Variants in CYTH3 observed in about 807,000 individuals in gnomAD.
CYTH3 encodes cytohesin 3.
CYTH3 carries 23 observed loss-of-function variants against 55.1 expected under a neutral mutation model. The ratio of observed to expected loss-of-function variants is 0.42; its 90% confidence interval spans 0.30 to 0.59. The LOEUF is 0.59. Ranked by LOEUF, CYTH3 falls within the 20% of genes least tolerant of loss-of-function variation. The pLI is 0.20. For missense variants in CYTH3, 413 were observed against 524.8 expected, an observed-to-expected ratio of 0.79 and a Z score of 2.08; for synonymous variants, 249 against 194.9, an observed-to-expected ratio of 1.28 and a Z score of -2.31.
chr7:6,265,822 G>A (rs1054673557), intron 1 of CYTH3, among the ~76,000 whole-genome samples: 2 of 152,108 alleles, frequency 1.3e-5, no homozygotes, highest in Non-Finnish European at 1.5e-5. Context: ...GGAGAACCAT[G>A]AGAAGGCTTA....
At chr7:6,181,575 T>C (rs967983931) in intron 4 of CYTH3, among the ~76,000 whole-genome samples, 3 of 152,248 alleles carry the variant, frequency 2.0e-5, no homozygotes, top group African/African-American at 4.8e-5. Context: ...TACAACATTT[T>C]ACTTGACACG....
At position 6,171,077 on chromosome 7, in the gene CYTH3, G is replaced by A; in HGVS notation, c.563-99C>T. The A allele has an allele frequency of 1.9e-6, 3 of 1,588,614 alleles. No homozygotes were observed. The highest frequency in any genetic ancestry group is 2.6e-6 in the Non-Finnish European group (3 of 1,161,902). On this transcript the variant is annotated intron_variant, in intron 7 of 12. Transcript: ENST00000350796. The surrounding 1 kb of genome is among the most constrained non-coding windows in gnomAD (Gnocchi z 6.7). The stretch of plus-strand genomic sequence containing the variant: ...GCCTGCAAGAGGTGCCCGGCCCACA[G>A]GTCGTCCTCGCTCAGGGAAGGCAGG...
chr7:6,204,944 C>A (rs1215157894), intron 1 of CYTH3, among the ~76,000 whole-genome samples: 1 of 152,024 alleles, frequency 6.6e-6, no homozygotes, highest in Non-Finnish European at 1.5e-5. Context: ...GTGGGTGGAT[C>A]ACTTGAGCCC....
At chr7:6,165,215 C>T (rs550985739) in intron 12 of CYTH3, 58 bp downstream of exon 12, 5 of 1,577,462 alleles carry the variant, frequency 3.2e-6, no homozygotes, top group East Asian at 2.2e-5. Context: ...AGACCATCCC[C>T]CGCCCTCCAA....
In CYTH3 at chr7:6,271,485, GAAAAA is replaced by G. The variant is rs377557223; in HGVS notation, c.34+984_34+988del. 2.1e-5 allele frequency among the ~76,000 whole-genome samples: 3 copies of G among 141,200 alleles called. No individual in the cohort carries two copies. The South Asian group carries it at 6.7e-4, about 32-fold the overall frequency. 92.6% of individuals were successfully genotyped at this position (141,200 alleles called of 152,430 possible). ...CTGTCAGCTCAAAGGAGATCTTCAG[GAAAAA>G]AAAAAAAAGTCTAGAGAACCTCAAC... On this transcript the variant is annotated intron_variant, in intron 1 of 12. Coordinates refer to ENST00000350796, the MANE Select transcript of CYTH3 (RefSeq NM_004227.4).
intron 9 of CYTH3, 140 bp from the exon 10 acceptor site, chr7:6,165,950 G>A: frequency 1.3e-6 from 1 of 786,096 alleles, no homozygotes; most frequent in Non-Finnish European, 2.0e-6. Context: ...GTGTCCTTCA[G>A]CGTTCCCACC....
chr7:6,209,777 T>C (rs1784282686), intron 1 of CYTH3, among the ~76,000 whole-genome samples: 1 of 152,226 alleles, frequency 6.6e-6, no homozygotes, highest in Non-Finnish European at 1.5e-5. Context: ...TATTCAGTGA[T>C]AGTAAGAGAT....
At chr7:6,237,538 T>A (rs1779555303) in intron 1 of CYTH3, among the ~76,000 whole-genome samples, 1 of 151,924 alleles carries the variant, frequency 6.6e-6, no homozygotes, top group South Asian at 2.1e-4. Context: ...TGAAACCCCG[T>A]CTCTACGAAA....
At chr7:6,198,855 C>G (rs953424008) in intron 1 of CYTH3, among the ~76,000 whole-genome samples, 1 of 151,950 alleles carries the variant, frequency 6.6e-6, no homozygotes, top group Non-Finnish European at 1.5e-5. Flanking sequence ...GCACCCACCA[C>G]GAGCTTCCCT....
intron 1 of CYTH3, among the ~76,000 whole-genome samples, chr7:6,201,166 T>G (rs1020672888): frequency 6.6e-6 from 1 of 152,180 alleles, no homozygotes; most frequent in Non-Finnish European, 1.5e-5. Flanking sequence ...CTGCCTCTCC[T>G]CACCACTCGA....
intron 1 of CYTH3, among the ~76,000 whole-genome samples, chr7:6,256,799 G>A (rs199900200): frequency 1.3e-5 from 2 of 152,362 alleles, no homozygotes; most frequent in South Asian, 4.1e-4. Context: ...GGGGAGCCAA[G>A]GGAGGGCAGG....
chr7:6,250,592 A>G (rs1285474946), intron 1 of CYTH3, among the ~76,000 whole-genome samples: 1 of 152,228 alleles, frequency 6.6e-6, no homozygotes, highest in African/African-American at 2.4e-5. Context: ...GAAAAATGCC[A>G]AACACAGAAG....
At chr7:6,258,648 TGAC>T (rs1780196530) in intron 1 of CYTH3, among the ~76,000 whole-genome samples, 1 of 152,228 alleles carries the variant, frequency 6.6e-6, no homozygotes, top group African/African-American at 2.4e-5. Context: ...GCTGTAACAA[TGAC>T]GACAAGCTAC....
intron 1 of CYTH3, among the ~76,000 whole-genome samples, chr7:6,250,891 C>T (rs1234449198): frequency 6.6e-6 from 1 of 152,252 alleles, no homozygotes; most frequent in Non-Finnish European, 1.5e-5. Flanking sequence ...TGAAGGTGCA[C>T]AGTCCCTCGC....
chr7:6,174,099 C>A (rs368165167), intron 5 of CYTH3, among the ~76,000 whole-genome samples: 1 of 151,822 alleles, frequency 6.6e-6, no homozygotes, highest in African/African-American at 2.4e-5. Context: ...AGAGAGATTT[C>A]CAAAGTATCA....
In CYTH3 at chr7:6,230,615, C is replaced by T. The variant is rs565136272; in HGVS notation, c.35-40084G>A. Reference sequence around the variant, plus strand: ...AGACCTAAGCGTCCACAATACTAGACACAGCAAGTTTCATGCCACGGATCC... The same window carrying T: ...AGACCTAAGCGTCCACAATACTAGATACAGCAAGTTTCATGCCACGGATCC... On this transcript the variant is annotated intron_variant, in intron 1 of 12. Coordinates refer to ENST00000350796, the MANE Select transcript of CYTH3 (RefSeq NM_004227.4). 1.1e-4 allele frequency among the ~76,000 whole-genome samples: 17 copies of T among 152,236 alleles called. No homozygotes were observed. In the South Asian group the frequency reaches 1.9e-3, roughly 17 times the overall value.
intron 1 of CYTH3, among the ~76,000 whole-genome samples, chr7:6,262,214 CATGTTTA>C (rs1378810716): frequency 2.6e-5 from 4 of 152,218 alleles, no homozygotes; most frequent in Middle Eastern, 3.4e-3. Flanking sequence ...ACACAGAGGG[CATGTTTA>C]ATGCACAGGT....
chr7:6,187,032 G>C lies in CYTH3; in HGVS notation c.249+18C>G, dbSNP rs1403958617. 1 of 1,612,288 alleles carries C rather than the reference G, an allele frequency of 6.2e-7. No individual in the cohort carries two copies. Among genetic ancestry groups the C allele is most frequent in the East Asian group, 2.2e-5 (1 of 44,868 alleles). ...AGTCCATCTCCTGCAGGCCAGAAAA[G>C]GGAGAGCATTCTCTTACCTTTTTGG... On this transcript the variant is annotated intron_variant, in intron 4 of 12. Coordinates refer to ENST00000350796, the MANE Select transcript of CYTH3 (RefSeq NM_004227.4).
At chr7:6,206,697 T>G (rs922288039) in intron 1 of CYTH3, among the ~76,000 whole-genome samples, 11 of 152,168 alleles carry the variant, frequency 7.2e-5, no homozygotes, top group Non-Finnish European at 1.5e-4. Flanking sequence ...AAAAAGACAC[T>G]GAAATAGCAT....
Sources: allele counts gnomAD v4.1 joint callset (sites outside exome capture counted in the v4.1 genomes callset), GRCh38; gene constraint gnomAD v4.1.1; non-coding constraint Gnocchi (gnomAD v3.1); transcripts MANE v1.5; gene names NCBI Gene and HGNC (gene_info 2026-07-23, HGNC 2026-07-21).